ARHGAP31: variants seen among roughly 807,000 people sequenced by gnomAD.
ARHGAP31 encodes rho GTPase-activating protein 31.
ARHGAP31 carries 34 observed loss-of-function variants against 113.9 expected under a neutral mutation model. That is an observed-to-expected ratio of 0.30 (90% CI 0.23 to 0.40). The LOEUF is 0.40. ARHGAP31 is among the 10% of genes least tolerant of loss of function. The pLI is 1.00. For missense variants in ARHGAP31, 1,548 were observed against 1,767.1 expected, an observed-to-expected ratio of 0.88 and a Z score of 2.22; for synonymous variants, 650 against 684.8, an observed-to-expected ratio of 0.95 and a Z score of 0.79.
intron 8 of ARHGAP31, among the ~76,000 whole-genome samples, chr3:119,394,775 C>A (rs1372387769): frequency 6.6e-6 from 1 of 151,916 alleles, no homozygotes; most frequent in Non-Finnish European, 1.5e-5. Flanking sequence ...AGGAACATAG[C>A]AAAACCACAT....
rs572181192 is a variant in ARHGAP31, at chr3:119,316,449, A to G, written c.100+21445A>G. Among the ~76,000 whole-genome samples the G allele has an allele frequency of 3.9e-5, 6 of 152,258 alleles. No individual in the cohort carries two copies. In the South Asian group the frequency reaches 1.0e-3, roughly 26 times the overall value. ...ACCATTTCCCTAGGAAGCCAAACCT[A>G]TTTTCACACCCCTGTCCTGTGTAGG... On this transcript the variant is annotated intron_variant, in intron 1 of 11. Coordinates refer to ENST00000264245, the MANE Select transcript of ARHGAP31 (RefSeq NM_020754.4).
At chr3:119,357,052 C>T (rs921796404) in intron 1 of ARHGAP31, among the ~76,000 whole-genome samples, 2 of 152,172 alleles carry the variant, frequency 1.3e-5, no homozygotes, top group Non-Finnish European at 2.9e-5. Flanking sequence ...CTTGCCAACA[C>T]TGTGTGTTAA....
rs543045852 is a variant in ARHGAP31 at position 119,405,955 on chromosome 3, A to T, written c.1646-3541A>T. On this transcript the variant is annotated intron_variant, in intron 10 of 11. Transcript: ENST00000264245. ...AACCTGAGGACTGTGCAGCACATAA[A>T]TAATAACACTGAGTGCTAAGTGACA... Among the ~76,000 whole-genome samples the T allele has an allele frequency of 5.9e-5, 9 of 152,348 alleles. No individual in the cohort carries two copies. The South Asian group carries it at 1.7e-3, about 28-fold the overall frequency.
chr3:119,348,715 G>A (rs1238484538), intron 1 of ARHGAP31, among the ~76,000 whole-genome samples: 1 of 152,128 alleles, frequency 6.6e-6, no homozygotes, highest in Non-Finnish European at 1.5e-5. Flanking sequence ...ATTGTTTAGG[G>A]AATAATGACA....
At chr3:119,309,629 G>A (rs986914689) in intron 1 of ARHGAP31, among the ~76,000 whole-genome samples, 23 of 152,018 alleles carry the variant, frequency 1.5e-4, no homozygotes, top group Middle Eastern at 3.2e-3. Flanking sequence ...GCATGGTGGC[G>A]TGGGGCTGTG....
At chr3:119,413,316 CAAA>C (rs369363243) in intron 11 of ARHGAP31, among the ~76,000 whole-genome samples, 9 of 91,448 alleles carry the variant, frequency 9.8e-5, no homozygotes, top group Non-Finnish European at 1.2e-4. Context: ...GACTCTGTCT[CAAA>C]AAAAAAAAAA....
At chr3:119,315,343 G>A (rs1452856417) in intron 1 of ARHGAP31, among the ~76,000 whole-genome samples, 1 of 152,002 alleles carries the variant, frequency 6.6e-6, no homozygotes, top group East Asian at 1.9e-4. Flanking sequence ...TCTGCAACTT[G>A]CTCTTCTCAG....
intron 1 of ARHGAP31, among the ~76,000 whole-genome samples, chr3:119,346,219 T>C (rs1394355836): frequency 6.6e-6 from 1 of 152,242 alleles, no homozygotes; most frequent in Non-Finnish European, 1.5e-5. Flanking sequence ...ATCTCTTCAG[T>C]GAATTTAAGC....
chr3:119,296,629 A>T (rs1239261474), intron 1 of ARHGAP31, among the ~76,000 whole-genome samples: 1 of 152,210 alleles, frequency 6.6e-6, no homozygotes, highest in East Asian at 1.9e-4. Context: ...CGTTCTTACA[A>T]ACTAATAGAT....
intron 1 of ARHGAP31, among the ~76,000 whole-genome samples, chr3:119,360,081 G>A (rs1244369233): frequency 6.6e-6 from 1 of 152,052 alleles, no homozygotes; most frequent in African/African-American, 2.4e-5. Flanking sequence ...CCTCCCTCCT[G>A]CCTCTTCCCT....
intron 1 of ARHGAP31, among the ~76,000 whole-genome samples, chr3:119,332,604 TTCTCTCTCTCTCTC>T (rs34228523): frequency 9.5e-6 from 1 of 105,790 alleles, no homozygotes; most frequent in African/African-American, 3.5e-5. Flanking sequence ...CTCTCTCTCT[TTCTCTCTCTCTCTC>T]TCTCTCTCTC....
chr3:119,420,456 G>C lies in ARHGAP31; in HGVS notation c.*4192G>C, dbSNP rs1410186510. ...GTGGAAGGGTGATTGCCTGAAATCA[G>C]TGCCAGTACAGATAGCATAAAATTG... On this transcript the variant is annotated 3_prime_UTR_variant, in exon 12 of 12. Coordinates refer to ENST00000264245, the MANE Select transcript of ARHGAP31 (RefSeq NM_020754.4). 1 of 152,202 alleles carries C rather than the reference G, an allele frequency of 6.6e-6. No homozygotes were observed. The highest frequency in any genetic ancestry group is 1.5e-5 in the Non-Finnish European group (1 of 68,042). 9.4% of individuals were successfully genotyped at this position (152,202 alleles called of 1,614,324 possible).
intron 11 of ARHGAP31, among the ~76,000 whole-genome samples, chr3:119,413,474 G>A (rs1317771003): frequency 6.6e-6 from 1 of 152,144 alleles, no homozygotes; most frequent in Non-Finnish European, 1.5e-5. Flanking sequence ...GGTTTTTGTT[G>A]TTTTATAAGG....
chr3:119,302,741 G>A (rs2079595452), intron 1 of ARHGAP31, among the ~76,000 whole-genome samples: 1 of 152,206 alleles, frequency 6.6e-6, no homozygotes, highest in South Asian at 2.1e-4. Context: ...CTAAGGCCAT[G>A]GTCTCAGGCA....
At chr3:119,341,702 C>T (rs1191861693) in intron 1 of ARHGAP31, 1 of 152,012 alleles carries the variant, frequency 6.6e-6, no homozygotes, top group African/African-American at 2.4e-5. Context: ...TCTTGTTGCA[C>T]ACTTAGAATG....
chr3:119,304,179 A>G (rs999466360), intron 1 of ARHGAP31, among the ~76,000 whole-genome samples: 1 of 152,194 alleles, frequency 6.6e-6, no homozygotes, highest in Non-Finnish European at 1.5e-5. Flanking sequence ...AACGTGCCAG[A>G]CACTGTTGGG....
At chr3:119,341,038 G>A (rs972881108) in intron 1 of ARHGAP31, among the ~76,000 whole-genome samples, 7 of 152,038 alleles carry the variant, frequency 4.6e-5, no homozygotes, top group Admixed American at 1.3e-4. Flanking sequence ...CTCACCCAGC[G>A]GAGCCTGTAC....
intron 10 of ARHGAP31, among the ~76,000 whole-genome samples, chr3:119,407,180 T>C (rs1021273686): frequency 4.0e-5 from 6 of 151,886 alleles, no homozygotes; most frequent in Non-Finnish European, 5.9e-5. Context: ...ACCCCGTCTC[T>C]ACTAAAAAAT....
chr3:119,307,959 A>AAAAAAAAAAAAAC, intron 1 of ARHGAP31, among the ~76,000 whole-genome samples: 3 of 150,356 alleles, frequency 2.0e-5, no homozygotes, highest in Non-Finnish European at 3.0e-5. Flanking sequence ...AAAAAAAAAA[A>AAAAAAAAAAAAAC]AGCTCAATCT....
Sources: gnomAD v4.1 joint callset for allele counts (sites outside exome capture counted in the v4.1 genomes callset) on GRCh38, gnomAD v4.1.1 for gene constraint, MANE v1.5 for transcripts, NCBI Gene and HGNC (gene_info 2026-07-23, HGNC 2026-07-21) for gene names.